AKT3: variants seen among roughly 807,000 people sequenced by gnomAD.
AKT3 encodes AKT serine/threonine kinase 3, also known as RAC-gamma serine/threonine-protein kinase.
In AKT3, 15 loss-of-function variants were observed where a neutral mutation model predicts 65.3. The ratio of observed to expected loss-of-function variants is 0.23; its 90% CI spans 0.15 to 0.35. The LOEUF is 0.35. Ranked by LOEUF, AKT3 falls within the 10% of genes least tolerant of loss-of-function variation. The probability of loss-of-function intolerance (pLI) is 1.00; values close to 1 mark genes in which losing one functional copy is unlikely to be tolerated. For missense variants in AKT3, 243 were observed against 576.5 expected (o/e 0.42, Z 5.92); for synonymous variants, 206 against 183.8 (o/e 1.12, Z -0.98).
chr1:243,528,391 G>T (rs1337795330), intron 12 of AKT3, among the ~76,000 whole-genome samples: 5 of 152,110 alleles, frequency 3.3e-5, no homozygotes, highest in Admixed American at 3.3e-4. Flanking sequence ...ATATCATGGG[G>T]GGGTTTGGTG....
At chr1:243,637,251 T>C (rs548558772) in intron 6 of AKT3, among the ~76,000 whole-genome samples, 2 of 151,768 alleles carry the variant, frequency 1.3e-5, no homozygotes, top group Non-Finnish European at 2.9e-5. Context: ...AATTTATGAG[T>C]AAAAATCATC....
intron 4 of AKT3, among the ~76,000 whole-genome samples, chr1:243,653,787 T>C (rs964137137): frequency 3.9e-5 from 6 of 152,194 alleles, no homozygotes; most frequent in Admixed American, 2.0e-4. Flanking sequence ...AACAGAAACT[T>C]TTCTCATTAT....
At chr1:243,601,673 C>T (rs1400176638) in intron 8 of AKT3, among the ~76,000 whole-genome samples, 1 of 152,104 alleles carries the variant, frequency 6.6e-6, no homozygotes, top group Non-Finnish European at 1.5e-5. Flanking sequence ...AACGTCTATC[C>T]AGGGGCAACT....
chr1:243,769,750 T>G lies in AKT3; in HGVS notation c.46+73375A>C, dbSNP rs530482576. On this transcript the variant is annotated intron_variant, in intron 2 of 13. Coordinates refer to ENST00000673466, the MANE Select transcript of AKT3 (RefSeq NM_005465.7). ...CCATACTCTATTCTTTTCACTTTCT[T>G]AAAAATTGTTGTTTCCTGAAGACCT... Among the ~76,000 whole-genome samples the G allele has an allele frequency of 2.6e-5, 4 of 152,350 alleles. No individual in the cohort carries two copies. The South Asian group carries it at 8.3e-4, about 32-fold the overall frequency.
Position 243,797,871 on chromosome 1 carries a change from C to A in AKT3, c.46+45254G>T, listed in dbSNP as rs555232759. Among the ~76,000 whole-genome samples the A allele has an allele frequency of 4.5e-3, 673 of 148,660 alleles. 1 individual carries two copies. The highest frequency in any genetic ancestry group is 7.5e-3 in the Non-Finnish European group (502 of 67,176). On this transcript the variant is annotated intron_variant, in intron 2 of 13. Transcript: ENST00000673466. The stretch of plus-strand genomic sequence containing the variant: ...AAAGTTAGGATAACAAAAAAAAAAA[C>A]CAAAAAACAGTTTTTCTTTTTTTTT...
intron 5 of AKT3, among the ~76,000 whole-genome samples, chr1:243,640,913 C>T (rs1425238650): frequency 6.6e-6 from 1 of 152,010 alleles, no homozygotes; most frequent in Non-Finnish European, 1.5e-5. Flanking sequence ...AATATTGATC[C>T]TGGGTGTATC....
chr1:243,556,518 G>A (rs1448244757), intron 10 of AKT3, among the ~76,000 whole-genome samples: 4 of 152,094 alleles, frequency 2.6e-5, no homozygotes, highest in Non-Finnish European at 4.4e-5. Context: ...CAATTATAAG[G>A]AGGCTATGTA....
intron 2 of AKT3, among the ~76,000 whole-genome samples, chr1:243,827,468 T>C (rs10803161): frequency 0.22 from 33,689 of 152,040 alleles, 4,027 homozygotes; most frequent in East Asian, 0.34. Flanking sequence ...TTTTCATTTT[T>C]AGCTTTTCTA....
At chr1:243,787,769 G>C (rs1487552718) in intron 2 of AKT3, among the ~76,000 whole-genome samples, 1 of 151,980 alleles carries the variant, frequency 6.6e-6, no homozygotes, top group Non-Finnish European at 1.5e-5. Context: ...TCATCTTCTG[G>C]AAGAAGTCTC....
chr1:243,583,170 G>GTA (rs74162293), intron 8 of AKT3, among the ~76,000 whole-genome samples: 1,873 of 118,420 alleles, frequency 0.016, 47 homozygotes, highest in African/African-American at 0.061. Context: ...ATATGTGTGT[G>GTA]TATATATATA....
chr1:243,778,831 GCAAA>G (rs1690721627), intron 2 of AKT3, among the ~76,000 whole-genome samples: 1 of 152,024 alleles, frequency 6.6e-6, no homozygotes, highest in African/African-American at 2.4e-5. Context: ...GACAATATAA[GCAAA>G]TACAACTATA....
Position 243,610,401 on chromosome 1 carries a change from T to C in AKT3, c.696+3270A>G, listed in dbSNP as rs1015774019. 2.0e-5 allele frequency among the ~76,000 whole-genome samples: 3 copies of C among 152,326 alleles called. No individual in the cohort carries two copies. The East Asian group carries it at 5.8e-4, about 29-fold the overall frequency. On this transcript the variant is annotated intron_variant, in intron 8 of 13. Coordinates refer to ENST00000673466, the MANE Select transcript of AKT3 (RefSeq NM_005465.7). ...CAAGCCTCTTAGAAAGCTAACACTT[T>C]GATGGGAAAGACAGACAAGTAAATA...
At chr1:243,846,081 G>T (rs1015508070) in intron 1 of AKT3, among the ~76,000 whole-genome samples, 5 of 152,124 alleles carry the variant, frequency 3.3e-5, no homozygotes, top group African/African-American at 1.2e-4. Context: ...CATCATAAGT[G>T]AAAGACATGA....
chr1:243,772,746 A>C (rs1690269835), intron 2 of AKT3, among the ~76,000 whole-genome samples: 1 of 152,196 alleles, frequency 6.6e-6, no homozygotes, highest in Non-Finnish European at 1.5e-5. Flanking sequence ...ACATATGTTT[A>C]TTGAGGCACT....
intron 2 of AKT3, among the ~76,000 whole-genome samples, chr1:243,776,131 C>G (rs1414468831): frequency 6.6e-6 from 1 of 152,178 alleles, no homozygotes; most frequent in Non-Finnish European, 1.5e-5. Context: ...AATGTTATCA[C>G]ATACTTTCCA....
At chr1:243,488,251 T>G (rs527715840) in exon 14 of AKT3, 1 of 152,396 alleles carries the variant, frequency 6.6e-6, no homozygotes, top group Non-Finnish European at 1.5e-5. Flanking sequence ...GAGTTTGAAA[T>G]GCACCTTGAG....
In AKT3 at chr1:243,594,356, C is replaced by G. The variant is rs192736763; in HGVS notation, c.696+19315G>C. Among the ~76,000 whole-genome samples, 530 of 152,234 alleles carry G rather than the reference C, an allele frequency of 3.5e-3. 2 individuals are homozygous for G. Among genetic ancestry groups the G allele is most frequent in the African/African-American group, 0.012 (512 of 41,536 alleles). The stretch of plus-strand genomic sequence containing the variant: ...AATGCAATCATAATCAAAGTTACAG[C>G]AGACTTTTTTGTAAAAATTGACATG... On this transcript the variant is annotated intron_variant, in intron 8 of 13. Coordinates refer to ENST00000673466, the MANE Select transcript of AKT3 (RefSeq NM_005465.7).
intron 12 of AKT3, among the ~76,000 whole-genome samples, chr1:243,512,926 A>G (rs937784959): frequency 1.3e-5 from 2 of 152,232 alleles, no homozygotes; most frequent in South Asian, 2.1e-4. Flanking sequence ...GAATTTGCTG[A>G]TAAGAGATGG....
chr1:243,562,252 T>C (rs552217510), intron 10 of AKT3, among the ~76,000 whole-genome samples: 1 of 152,146 alleles, frequency 6.6e-6, no homozygotes, highest in East Asian at 1.9e-4. Context: ...ATGATTCCAT[T>C]TGTATGAACT....
Sources: allele counts gnomAD v4.1 joint callset (sites outside exome capture counted in the v4.1 genomes callset), GRCh38; gene constraint gnomAD v4.1.1; transcripts MANE v1.5; gene names NCBI Gene and HGNC (gene_info 2026-07-23, HGNC 2026-07-21).